LHX8: variants seen among roughly 807,000 people sequenced by gnomAD.
LHX8 encodes the protein LIM/homeobox protein Lhx8.
Under a neutral mutation model 40.3 loss-of-function variants are expected in LHX8, and 12 were observed. The ratio of observed to expected loss-of-function variants is 0.30; its 90% CI spans 0.19 to 0.48. The LOEUF (loss-of-function observed/expected upper bound fraction) is 0.48. LHX8 is among the 20% of genes least tolerant of loss of function. The pLI, the probability that LHX8 is intolerant of heterozygous loss-of-function variation, is 0.99. For missense variants in LHX8, 344 were observed against 433.7 expected, an observed-to-expected ratio of 0.79 and a Z score of 1.84; for synonymous variants, 179 against 162.0, an observed-to-expected ratio of 1.10 and a Z score of -0.80.
chr1:75,138,571 C>G (rs906079806), intron 3 of LHX8, among the ~76,000 whole-genome samples: 3 of 152,234 alleles, frequency 2.0e-5, no homozygotes, highest in Middle Eastern at 3.4e-3. Context: ...TAAAACTGAG[C>G]ATTTTGGATA....
intron 4 of LHX8, among the ~76,000 whole-genome samples, chr1:75,141,376 T>C (rs965493307): frequency 6.6e-6 from 1 of 152,160 alleles, no homozygotes; most frequent in Non-Finnish European, 1.5e-5. Context: ...AAACAGGGAA[T>C]CTTTTTTGCT....
At chr1:75,178,691 T>A in the LHX8 span, among the ~76,000 whole-genome samples, 1 of 152,202 alleles carries the variant, frequency 6.6e-6, no homozygotes, top group African/African-American at 2.4e-5. Flanking sequence ...GCTCTGATCT[T>A]AGTTATTTCT....
the LHX8 span, among the ~76,000 whole-genome samples, chr1:75,189,188 T>C: frequency 4.6e-5 from 7 of 152,246 alleles, no homozygotes; most frequent in African/African-American, 1.4e-4. Context: ...CTGCACCATC[T>C]GACAGACAAA....
the LHX8 span, among the ~76,000 whole-genome samples, chr1:75,197,198 T>A: frequency 6.6e-6 from 1 of 152,222 alleles, no homozygotes; most frequent in Non-Finnish European, 1.5e-5. Flanking sequence ...TTGGCATGTT[T>A]CATATCGGAA....
chr1:75,146,608 C>T (rs543316462), intron 6 of LHX8, among the ~76,000 whole-genome samples: 34 of 152,224 alleles, frequency 2.2e-4, no homozygotes, highest in Admixed American at 1.5e-3. Flanking sequence ...TCCTTGTCCA[C>T]GTTAGAAGAA....
At chr1:75,195,579 G>T in the LHX8 span, among the ~76,000 whole-genome samples, 1 of 151,878 alleles carries the variant, frequency 6.6e-6, no homozygotes, top group African/African-American at 2.4e-5. Context: ...TCTCTAGTAT[G>T]GTATTCATTC....
the LHX8 span, among the ~76,000 whole-genome samples, chr1:75,196,269 C>T: frequency 1.3e-5 from 2 of 152,048 alleles, no homozygotes; most frequent in African/African-American, 4.8e-5. Flanking sequence ...TCAGAGGTGA[C>T]TGATAATCAA....
chr1:75,157,546 C>G (rs370343203), intron 8 of LHX8, among the ~76,000 whole-genome samples: 1 of 152,128 alleles, frequency 6.6e-6, no homozygotes, highest in South Asian at 2.1e-4. Context: ...TAGATATTGC[C>G]CAAAGTAGCA....
At chr1:75,166,904 C>G in the LHX8 span, among the ~76,000 whole-genome samples, 1 of 152,142 alleles carries the variant, frequency 6.6e-6, no homozygotes, top group African/African-American at 2.4e-5. Flanking sequence ...AGACAGTCTA[C>G]AGGAAATTCA....
chr1:75,173,642 A>C, the LHX8 span, among the ~76,000 whole-genome samples: 3 of 152,038 alleles, frequency 2.0e-5, no homozygotes, highest in Admixed American at 2.0e-4. Flanking sequence ...TCGGCCTCCC[A>C]AAATGCTGGG....
In LHX8 at chr1:75,143,245, A is replaced by G. The variant is rs1381277550; in HGVS notation, c.487A>G (p.Thr163Ala). ...CTTTTCCTGCAAAAGGCAACTTTCC[A>G]CAGGAGAGGAGTTTGCTTTGGTGGA... ...ACFSCKRQLS[T>A]GEEFALVEEK... is the part of the protein sequence containing the mutation. Residue 163 changes from threonine to alanine, a missense_variant, in exon 5 of 9, where the codon ACA becomes GCA. Thr to Ala is a moderately conservative substitution (Grantham distance 58). Around this residue, in one of 3 missense-constraint regions of LHX8, gnomAD observed 147 missense variants for 250.8 expected, o/e 0.59. Coordinates refer to ENST00000356261, the MANE Select transcript of LHX8 (RefSeq NM_001256114.2). 1 of 1,613,872 alleles carries G rather than the reference A, an allele frequency of 6.2e-7. No homozygotes were observed. The highest frequency in any genetic ancestry group is 8.5e-7 in the Non-Finnish European group (1 of 1,179,800).
At chr1:75,139,059 AAGTT>A (rs753532865) in intron 3 of LHX8, among the ~76,000 whole-genome samples, 1 of 152,168 alleles carries the variant, frequency 6.6e-6, no homozygotes, top group Non-Finnish European at 1.5e-5. Context: ...TTAAAAAAAA[AAGTT>A]AGACCTAGTA....
chr1:75,196,509 C>T, the LHX8 span, among the ~76,000 whole-genome samples: 150,839 of 152,254 alleles, frequency 0.99, 74,741 homozygotes, highest in East Asian at 1. Flanking sequence ...CTGCCATAGT[C>T]GTGAATCTTC....
At chr1:75,177,366 G>T in the LHX8 span, among the ~76,000 whole-genome samples, 1 of 152,130 alleles carries the variant, frequency 6.6e-6, no homozygotes, top group East Asian at 1.9e-4. Flanking sequence ...GTGGTTTGTA[G>T]TTCTCCTTGA....
intron 1 of LHX8, 66 bp from the exon 2 acceptor site, chr1:75,136,537 G>T: frequency 8.3e-7 from 1 of 1,210,320 alleles, no homozygotes; most frequent in Non-Finnish European, 1.2e-6. Context: ...GCCGAGGCTG[G>T]GGCGGGCAGC....
chr1:75,148,823 T>A, intron 7 of LHX8, 141 bp downstream of exon 7: 1 of 656,242 alleles, frequency 1.5e-6, no homozygotes, highest in Non-Finnish European at 2.7e-6. Flanking sequence ...GATTACAGGA[T>A]GAGCCACTGT....
chr1:75,163,972 GC>G (rs1244211735), downstream of LHX8, among the ~76,000 whole-genome samples: 1 of 152,186 alleles, frequency 6.6e-6, no homozygotes, highest in African/African-American at 2.4e-5. Context: ...GACAGAATCT[GC>G]TGGTGCCTTG....
chr1:75,184,003 A>T, the LHX8 span, among the ~76,000 whole-genome samples: 1 of 152,260 alleles, frequency 6.6e-6, no homozygotes, highest in African/African-American at 2.4e-5. Flanking sequence ...ACAGATTTTA[A>T]ACCACAAAGA....
intron 6 of LHX8, among the ~76,000 whole-genome samples, chr1:75,144,562 A>ATT (rs139556498): frequency 6.6e-6 from 1 of 151,738 alleles, no homozygotes; most frequent in Non-Finnish European, 1.5e-5. Context: ...AAAGGGAGGG[A>ATT]TTTTTTTTAG....
Sources: allele counts gnomAD v4.1 joint callset (sites outside exome capture counted in the v4.1 genomes callset), GRCh38; gene constraint gnomAD v4.1.1; regional missense constraint gnomAD v4.1.1; transcripts MANE v1.5; gene names NCBI Gene and HGNC (gene_info 2026-07-23, HGNC 2026-07-21).